VOPP1: variants seen among roughly 807,000 people sequenced by gnomAD.
The protein encoded by VOPP1 is WW domain binding protein VOPP1.
Under a neutral mutation model 23.5 loss-of-function variants are expected in VOPP1, and 8 were observed. The ratio of observed to expected loss-of-function variants is 0.34; its 90% CI spans 0.20 to 0.61. The LOEUF (loss-of-function observed/expected upper bound fraction) is 0.61. Among genes scored for constraint, VOPP1 ranks in the 20% least tolerant of loss-of-function variants. The pLI is 0.78. For synonymous variants in VOPP1, 83 were observed against 97.3 expected (o/e 0.85, Z 0.86); for missense variants, 174 against 238.1 (o/e 0.73, Z 1.77).
downstream of VOPP1, among the ~76,000 whole-genome samples, chr7:55,468,619 A>T (rs2129005331): frequency 6.6e-6 from 1 of 152,330 alleles, no homozygotes; most frequent in Admixed American, 6.5e-5. Flanking sequence ...GGGCTAGAGG[A>T]TGGGCCCAGC....
At chr7:55,482,193 C>A (rs1271236971) in intron 4 of VOPP1, among the ~76,000 whole-genome samples, 1 of 151,832 alleles carries the variant, frequency 6.6e-6, no homozygotes, top group East Asian at 1.9e-4. Context: ...CAAAAAAAAA[C>A]TGATAAGCGG....
At chr7:55,560,370 A>G (rs1797945618) in intron 1 of VOPP1, among the ~76,000 whole-genome samples, 1 of 152,182 alleles carries the variant, frequency 6.6e-6, no homozygotes, top group South Asian at 2.1e-4. Context: ...CAATGAGGAG[A>G]TTATGCTGGG....
intron 2 of VOPP1, among the ~76,000 whole-genome samples, chr7:55,505,655 G>GAGGA (rs1225502990): frequency 0.012 from 8 of 676 alleles, no homozygotes; most frequent in African/African-American, 0.014. Context: ...GGAAGGAAGG[G>GAGGA]AGGGAGGGAG....
chr7:55,475,655 C>T (rs1792185832), intron 4 of VOPP1, among the ~76,000 whole-genome samples: 1 of 152,176 alleles, frequency 6.6e-6, no homozygotes, highest in East Asian at 1.9e-4. Context: ...CAGGGTGTGC[C>T]CTGGGAGGAG....
chr7:55,449,929 A>C (rs907496471), intron 4 of VOPP1, among the ~76,000 whole-genome samples: 4 of 152,120 alleles, frequency 2.6e-5, no homozygotes, highest in Non-Finnish European at 4.4e-5. Flanking sequence ...TTGAGGGGAG[A>C]AACAAACATG....
chr7:55,477,237 T>C (rs552132479), intron 4 of VOPP1, among the ~76,000 whole-genome samples: 13 of 152,222 alleles, frequency 8.5e-5, no homozygotes, highest in Non-Finnish European at 1.3e-4. Context: ...TAGTATGGTA[T>C]GATTTTCTGA....
Position 55,571,921 on chromosome 7 carries a change from G to A in VOPP1, c.54+350C>T, listed in dbSNP as rs559600461. 1.6e-4 allele frequency: 35 copies of A among 213,054 alleles called. No individual in the cohort carries two copies. The South Asian group carries it at 4.4e-3, about 27-fold the overall frequency. 13.2% of individuals were successfully genotyped at this position (213,054 alleles called of 1,614,324 possible). ...CCGAGGACCACCCCCGCCCAACCCC[G>A]GGTCCATCCGATCCTCGGCCCTCTG... On this transcript the variant is annotated intron_variant, in intron 1 of 4. Coordinates refer to ENST00000285279, the MANE Select transcript of VOPP1 (RefSeq NM_030796.5).
chr7:55,451,693 A>G (rs575519310), intron 4 of VOPP1, among the ~76,000 whole-genome samples: 2 of 152,298 alleles, frequency 1.3e-5, no homozygotes, highest in South Asian at 2.1e-4. Flanking sequence ...CAGGAGGCTG[A>G]GGTAGGAGAA....
intron 4 of VOPP1, among the ~76,000 whole-genome samples, chr7:55,462,058 T>C (rs960629073): frequency 2.6e-5 from 4 of 152,224 alleles, no homozygotes; most frequent in Non-Finnish European, 4.4e-5. Flanking sequence ...TTTGCTTGGC[T>C]GGGAAAGACT....
chr7:55,520,933 C>T, intron 2 of VOPP1, 139 bp downstream of exon 2: 1 of 829,770 alleles, frequency 1.2e-6, no homozygotes, highest in Non-Finnish European at 1.9e-6. Context: ...GCTCATCCCC[C>T]AGTGAGGCAA....
chr7:55,497,562 G>T (rs1033052434), intron 3 of VOPP1, 51 bp downstream of exon 3: 20 of 1,391,234 alleles, frequency 1.4e-5, no homozygotes, highest in African/African-American at 2.8e-5. Context: ...GATGGGGGGG[G>T]GGGGGGGGCA....
At chr7:55,538,022 C>A (rs1225938897) in intron 1 of VOPP1, among the ~76,000 whole-genome samples, 1 of 152,192 alleles carries the variant, frequency 6.6e-6, no homozygotes, top group Non-Finnish European at 1.5e-5. Flanking sequence ...ACACCCAGAT[C>A]CAAACACTGC....
At chr7:55,467,236 C>T (rs567991426), downstream of VOPP1, among the ~76,000 whole-genome samples, 15 of 152,214 alleles carry the variant, frequency 9.9e-5, no homozygotes, top group Non-Finnish European at 1.9e-4. Context: ...GAACCCCTGA[C>T]GTAAAGCACC....
chr7:55,554,980 T>C (rs529539449), intron 1 of VOPP1, among the ~76,000 whole-genome samples: 3 of 152,212 alleles, frequency 2.0e-5, no homozygotes, highest in South Asian at 4.1e-4. Context: ...CCAAGGTGGC[T>C]GCTTTTTGCC....
intron 2 of VOPP1, among the ~76,000 whole-genome samples, chr7:55,512,883 T>C (rs142153616): frequency 1.3e-5 from 2 of 152,328 alleles, no homozygotes; most frequent in Non-Finnish European, 2.9e-5. Flanking sequence ...CCAGGGAGCC[T>C]GGGACTGACT....
intron 1 of VOPP1, among the ~76,000 whole-genome samples, chr7:55,532,515 C>A (rs924977930): frequency 6.6e-6 from 1 of 152,252 alleles, no homozygotes; most frequent in African/African-American, 2.4e-5. Flanking sequence ...AGTTAACATT[C>A]TCTACAACGT....
chr7:55,446,930 T>C (rs1791114219), intron 4 of VOPP1, among the ~76,000 whole-genome samples: 1 of 152,210 alleles, frequency 6.6e-6, no homozygotes, highest in South Asian at 2.1e-4. Context: ...CTGATGTCTC[T>C]GTGATTATGT....
chr7:55,549,247 A>G (rs2129053208), intron 1 of VOPP1, among the ~76,000 whole-genome samples: 1 of 152,332 alleles, frequency 6.6e-6, no homozygotes, highest in South Asian at 2.1e-4. Flanking sequence ...CCATTTACAT[A>G]GACAGTCATG....
chr7:55,551,752 G>A (rs1360208175), intron 1 of VOPP1, among the ~76,000 whole-genome samples: 1 of 152,010 alleles, frequency 6.6e-6, no homozygotes, highest in Non-Finnish European at 1.5e-5. Flanking sequence ...CAAAATACAT[G>A]TTGAAGGCTG....
Sources: gnomAD v4.1 joint callset for allele counts (sites outside exome capture counted in the v4.1 genomes callset) on GRCh38, gnomAD v4.1.1 for gene constraint, MANE v1.5 for transcripts, NCBI Gene and HGNC (gene_info 2026-07-23, HGNC 2026-07-21) for gene names.